SLC9A9: variants seen among roughly 807,000 people sequenced by gnomAD.
SLC9A9 encodes the protein solute carrier family 9 member A9.
In SLC9A9, 62 loss-of-function variants were observed where a neutral mutation model predicts 77.8. That is an observed-to-expected ratio of 0.80 (90% CI 0.65 to 0.98). The LOEUF is 0.98. Ranked by LOEUF, SLC9A9 falls within the 50% of genes least tolerant of loss-of-function variation. The pLI is 0.00. For missense variants in SLC9A9, 775 were observed against 774.9 expected (o/e 1.00, Z 0.00); for synonymous variants, 320 against 283.5 (o/e 1.13, Z -1.29).
chr3:143,769,694 C>T (rs541824894), intron 4 of SLC9A9, among the ~76,000 whole-genome samples: 1 of 152,288 alleles, frequency 6.6e-6, no homozygotes, highest in African/African-American at 2.4e-5. Flanking sequence ...ATGCCCAATA[C>T]TGACCTGAAA....
intron 2 of SLC9A9, among the ~76,000 whole-genome samples, chr3:143,816,525 C>T (rs1576748298): frequency 6.6e-6 from 1 of 152,204 alleles, no homozygotes; most frequent in Non-Finnish European, 1.5e-5. Context: ...CATCCATTCA[C>T]TTAAACTGCT....
chr3:143,370,666 C>G (rs1489824985), intron 13 of SLC9A9, among the ~76,000 whole-genome samples: 1 of 151,644 alleles, frequency 6.6e-6, no homozygotes, highest in Non-Finnish European at 1.5e-5. Context: ...AACCCAGAAC[C>G]ACTACTGCCA....
intron 8 of SLC9A9, among the ~76,000 whole-genome samples, chr3:143,568,258 G>A (rs1471814476): frequency 6.6e-6 from 1 of 152,128 alleles, no homozygotes; most frequent in Non-Finnish European, 1.5e-5. Context: ...GGGGAAGAGT[G>A]TCTAGTTGTC....
At chr3:143,305,014 G>A (rs892439064) in intron 14 of SLC9A9, among the ~76,000 whole-genome samples, 3 of 152,098 alleles carry the variant, frequency 2.0e-5, no homozygotes, top group South Asian at 2.1e-4. Context: ...ATCTGAACGT[G>A]AACCAGATAT....
chr3:143,351,560 G>A (rs936599924), intron 14 of SLC9A9, among the ~76,000 whole-genome samples: 2 of 152,126 alleles, frequency 1.3e-5, no homozygotes, highest in African/African-American at 4.8e-5. Context: ...GATGGTGGGG[G>A]GGAGTACCCA....
At chr3:143,486,871 C>T (rs79077495) in intron 11 of SLC9A9, among the ~76,000 whole-genome samples, 2,808 of 152,038 alleles carry the variant, frequency 0.018, 83 homozygotes, top group African/African-American at 0.064. Context: ...AAATGAGGGA[C>T]AAGAATGCTG....
chr3:143,288,535 C>T, intron 14 of SLC9A9, among the ~76,000 whole-genome samples: 1 of 152,188 alleles, frequency 6.6e-6, no homozygotes, highest in Non-Finnish European at 1.5e-5. Flanking sequence ...AATAATACAT[C>T]TTCAGCTGGC....
chr3:143,385,356 A>T (rs1576462456), intron 12 of SLC9A9, among the ~76,000 whole-genome samples: 1 of 152,162 alleles, frequency 6.6e-6, no homozygotes, highest in Admixed American at 6.5e-5. Flanking sequence ...AATTGTTCTC[A>T]TAATACCCTT....
At chr3:143,377,932 C>T (rs2033218126) in intron 13 of SLC9A9, among the ~76,000 whole-genome samples, 1 of 152,202 alleles carries the variant, frequency 6.6e-6, no homozygotes. Flanking sequence ...CACACCATAA[C>T]CCACTGTGAC....
intron 6 of SLC9A9, among the ~76,000 whole-genome samples, chr3:143,580,267 G>A (rs1455348222): frequency 6.6e-6 from 1 of 152,200 alleles, no homozygotes; most frequent in Non-Finnish European, 1.5e-5. Context: ...GAAGAAACAA[G>A]AGTGATGAGA....
chr3:143,338,476 A>G (rs2031991482), intron 14 of SLC9A9, among the ~76,000 whole-genome samples: 1 of 152,244 alleles, frequency 6.6e-6, no homozygotes, highest in Non-Finnish European at 1.5e-5. Flanking sequence ...CGAGAGAGCT[A>G]GACAGCTCGG....
chr3:143,755,071 G>C (rs2006877003), intron 4 of SLC9A9, among the ~76,000 whole-genome samples: 1 of 152,180 alleles, frequency 6.6e-6, no homozygotes, highest in Non-Finnish European at 1.5e-5. Context: ...AGCTGAGCTT[G>C]AGTGGTTTAT....
intron 4 of SLC9A9, among the ~76,000 whole-genome samples, chr3:143,791,304 A>G (rs895927318): frequency 2.6e-5 from 4 of 152,328 alleles, no homozygotes; most frequent in African/African-American, 9.6e-5. Flanking sequence ...GTTTACATCT[A>G]ATTTCTGAAA....
intron 12 of SLC9A9, among the ~76,000 whole-genome samples, chr3:143,430,626 G>A (rs1378350072): frequency 1.3e-5 from 2 of 152,186 alleles, no homozygotes; most frequent in African/African-American, 4.8e-5. Context: ...TCTGAGAGGG[G>A]GAGGCCAATG....
chr3:143,382,135 C>G (rs2033319993), intron 12 of SLC9A9, 21 bp from the exon 13 acceptor site: 1 of 1,614,018 alleles, frequency 6.2e-7, no homozygotes, highest in Non-Finnish European at 8.5e-7. Flanking sequence ...AAACCAAAAA[C>G]TGGTCAATCC....
rs189395541 is a variant in SLC9A9 at position 143,797,178 on chromosome 3, T to A, written c.379-275A>T. Reference sequence around the variant, plus strand: ...AAATCTCTCTGAGAAAAATGTCTTTTTATATATATATAAAATATATATGTA... The same window carrying A: ...AAATCTCTCTGAGAAAAATGTCTTTATATATATATATAAAATATATATGTA... On this transcript the variant is annotated intron_variant, in intron 2 of 15. Transcript: ENST00000316549. Among the ~76,000 whole-genome samples, 252 of 45,730 alleles carry A rather than the reference T, an allele frequency of 5.5e-3. 1 individual carries two copies. Among genetic ancestry groups the A allele is most frequent in the Admixed American group, 0.042 (210 of 4,972 alleles). The allele number at this position is 45,730 out of a possible 152,430, so 30.0% of individuals were successfully genotyped here.
chr3:143,560,808 T>C (rs1350605330), intron 8 of SLC9A9, among the ~76,000 whole-genome samples: 2 of 152,124 alleles, frequency 1.3e-5, no homozygotes, highest in Non-Finnish European at 2.9e-5. Flanking sequence ...CACAATGTTA[T>C]AAGACTGAAA....
chr3:143,388,512 C>CAT (rs1459910054), intron 12 of SLC9A9, among the ~76,000 whole-genome samples: 1 of 152,046 alleles, frequency 6.6e-6, no homozygotes, highest in Non-Finnish European at 1.5e-5. Flanking sequence ...AGGGGATAAG[C>CAT]ATATATATAT....
intron 4 of SLC9A9, among the ~76,000 whole-genome samples, chr3:143,794,169 A>G (rs1385939262): frequency 6.6e-6 from 1 of 152,196 alleles, no homozygotes; most frequent in East Asian, 1.9e-4. Flanking sequence ...GAAACTCTGT[A>G]AGAGAATGGG....
Sources: allele counts gnomAD v4.1 joint callset (sites outside exome capture counted in the v4.1 genomes callset), GRCh38; gene constraint gnomAD v4.1.1; transcripts MANE v1.5; gene names NCBI Gene and HGNC (gene_info 2026-07-23, HGNC 2026-07-21).